The following PTPRG variants were observed in gnomAD, a reference collection of about 807,000 sequenced individuals.
PTPRG encodes the protein protein tyrosine phosphatase receptor type G, also known as receptor-type tyrosine-protein phosphatase gamma.
Under a neutral mutation model 165.3 loss-of-function variants are expected in PTPRG, and 102 were observed. That is an observed-to-expected ratio of 0.62 (90% CI 0.53 to 0.73). The LOEUF (loss-of-function observed/expected upper bound fraction) is 0.73. Among genes scored for constraint, PTPRG ranks in the 30% least tolerant of loss-of-function variants. The pLI, the probability that PTPRG is intolerant of heterozygous loss-of-function variation, is 0.00. For missense variants in PTPRG, 1,866 were observed against 1,861.4 expected (o/e 1.00, Z -0.05); for synonymous variants, 675 against 669.5 (o/e 1.01, Z -0.13).
intron 5 of PTPRG, among the ~76,000 whole-genome samples, chr3:62,108,046 CTTTT>C (rs35573206): frequency 6.9e-6 from 1 of 145,880 alleles, no homozygotes; most frequent in Non-Finnish European, 1.5e-5. Context: ...CTCTCTCGCT[CTTTT>C]TTTTTTTTAT....
intron 2 of PTPRG, among the ~76,000 whole-genome samples, chr3:61,841,343 G>A (rs1037518738): frequency 6.6e-6 from 1 of 152,168 alleles, no homozygotes; most frequent in Admixed American, 6.5e-5. Context: ...CACTCTCTAG[G>A]TGGAGAAATT....
chr3:61,947,886 T>C (rs568518797), intron 2 of PTPRG, among the ~76,000 whole-genome samples: 1 of 152,342 alleles, frequency 6.6e-6, no homozygotes, highest in South Asian at 2.1e-4. Context: ...GAGGAGGCCC[T>C]GACCAGACCC....
chr3:61,602,380 A>G (rs1340042371), intron 1 of PTPRG, among the ~76,000 whole-genome samples: 3 of 152,166 alleles, frequency 2.0e-5, no homozygotes, highest in East Asian at 1.9e-4. Context: ...CCAGAGGGAA[A>G]TGAAATCAGC....
chr3:62,218,680 T>A (rs937238172), intron 12 of PTPRG, among the ~76,000 whole-genome samples, 171 bp from the exon 13 acceptor site: 10 of 152,124 alleles, frequency 6.6e-5, no homozygotes, highest in African/African-American at 2.2e-4. Flanking sequence ...TGGGTTGGGA[T>A]GGGGCAGGAA....
intron 4 of PTPRG, among the ~76,000 whole-genome samples, chr3:62,019,174 G>A (rs1057006517): frequency 6.6e-6 from 1 of 152,082 alleles, no homozygotes; most frequent in South Asian, 2.1e-4. Flanking sequence ...GTCCCTCTGC[G>A]ACCTCCTGAA....
chr3:61,891,720 G>C (rs929509894), intron 2 of PTPRG, among the ~76,000 whole-genome samples: 9 of 152,192 alleles, frequency 5.9e-5, no homozygotes, highest in African/African-American at 1.9e-4. Flanking sequence ...GAGAGGCAAA[G>C]TGTTTTGTAA....
intron 11 of PTPRG, 102 bp downstream of exon 11, chr3:62,201,656 C>A: frequency 1.9e-6 from 2 of 1,059,624 alleles, no homozygotes; most frequent in South Asian, 3.5e-5. Context: ...TTAAACTGCT[C>A]AGTGTAAAGC....
intron 27 of PTPRG, 33 bp downstream of exon 27, chr3:62,281,742 A>G: frequency 2.5e-6 from 4 of 1,570,164 alleles, no homozygotes; most frequent in Non-Finnish European, 3.5e-6. Flanking sequence ...ACTAATAGCC[A>G]TACCTGGGCC....
At chr3:62,011,343 A>G (rs919820508) in intron 4 of PTPRG, among the ~76,000 whole-genome samples, 7 of 152,190 alleles carry the variant, frequency 4.6e-5, no homozygotes, top group Admixed American at 1.3e-4. Context: ...CTGTCTGCCT[A>G]TAGAAAGCTG....
At chr3:61,847,200 G>T (rs1246116059) in intron 2 of PTPRG, among the ~76,000 whole-genome samples, 2 of 152,096 alleles carry the variant, frequency 1.3e-5, no homozygotes, top group Non-Finnish European at 2.9e-5. Context: ...CAGTATAACA[G>T]GTGTCCTTAT....
At chr3:62,198,248 C>G (rs1700017353) in intron 10 of PTPRG, among the ~76,000 whole-genome samples, 1 of 152,272 alleles carries the variant, frequency 6.6e-6, no homozygotes, top group South Asian at 2.1e-4. Context: ...CTGAACCTCA[C>G]TTTATGGCAG....
intron 2 of PTPRG, among the ~76,000 whole-genome samples, chr3:61,933,791 G>T (rs1176342574): frequency 6.6e-6 from 1 of 152,170 alleles, no homozygotes; most frequent in Non-Finnish European, 1.5e-5. Flanking sequence ...TAATCAAACA[G>T]ATTTCTGCCT....
intron 4 of PTPRG, among the ~76,000 whole-genome samples, chr3:62,061,434 T>G (rs1490138075): frequency 1.3e-5 from 2 of 152,164 alleles, no homozygotes; most frequent in Non-Finnish European, 2.9e-5. Flanking sequence ...ACTTTTGTCT[T>G]CATGAAGTCA....
intron 1 of PTPRG, among the ~76,000 whole-genome samples, chr3:61,637,916 A>G (rs1174311312): frequency 1.5e-5 from 2 of 131,444 alleles, no homozygotes; most frequent in African/African-American, 5.5e-5. Flanking sequence ...GTGAATTATT[A>G]TTTATTCAGA....
At chr3:61,930,762 T>C (rs2039339531) in intron 2 of PTPRG, among the ~76,000 whole-genome samples, 1 of 152,128 alleles carries the variant, frequency 6.6e-6, no homozygotes, top group African/African-American at 2.4e-5. Flanking sequence ...GGAGAGCACG[T>C]AAAAGAAGGC....
At chr3:61,768,151 CT>C (rs935671683) in intron 2 of PTPRG, among the ~76,000 whole-genome samples, 2 of 152,038 alleles carry the variant, frequency 1.3e-5, no homozygotes, top group African/African-American at 4.8e-5. Flanking sequence ...TGTTTATGGT[CT>C]TTGAATTTGA....
In PTPRG at chr3:62,273,811, A is replaced by C. The variant is rs776366074; in HGVS notation, c.3432A>C (p.Val1144=). Residue 1144 remains valine (V), a synonymous_variant, in exon 23 of 30, where the codon GTA becomes GTC. Coordinates refer to ENST00000474889, the MANE Select transcript of PTPRG (RefSeq NM_002841.4). This position sits in a 1 kb window ranked among gnomAD's most constrained non-coding sequence, Gnocchi z 4.1. ...SYVNSILIPG[V]GGKTRLEKQF... ...TTAACAGCATCCTTATACCAGGAGT[A>C]GGAGGAAAGACACGACTGGAAAAGC... The C allele has an allele frequency of 1.2e-6, 2 of 1,613,838 alleles. No individual in the cohort carries two copies. The highest frequency in any genetic ancestry group is 1.7e-6 in the Non-Finnish European group (2 of 1,179,774).
intron 7 of PTPRG, among the ~76,000 whole-genome samples, chr3:62,164,345 A>G (rs1704884682): frequency 6.6e-6 from 1 of 152,042 alleles, no homozygotes; most frequent in Non-Finnish European, 1.5e-5. Flanking sequence ...AGAAATGTAG[A>G]CTCCTCTCAC....
At chr3:61,849,387 A>G (rs1160977007) in intron 2 of PTPRG, among the ~76,000 whole-genome samples, 3 of 152,208 alleles carry the variant, frequency 2.0e-5, no homozygotes, top group Admixed American at 6.5e-5. Context: ...GTTTTATTTT[A>G]TAAACTGGAA....
Sources: gnomAD v4.1 joint callset for allele counts (sites outside exome capture counted in the v4.1 genomes callset) on GRCh38, gnomAD v4.1.1 for gene constraint, Gnocchi (gnomAD v3.1) non-coding constraint, MANE v1.5 for transcripts, NCBI Gene and HGNC (gene_info 2026-07-23, HGNC 2026-07-21) for gene names.